PCDHGB3: variants seen among roughly 807,000 people sequenced by gnomAD.
PCDHGB3 encodes protocadherin gamma-B3.
A neutral mutation model predicts 59.2 loss-of-function variants in PCDHGB3; 40 were observed. That is an observed-to-expected ratio of 0.68 (90% CI 0.52 to 0.88). The LOEUF (loss-of-function observed/expected upper bound fraction) is 0.88, where lower values mean the gene tolerates loss of function less well. PCDHGB3 is among the 40% of genes least tolerant of loss of function. PCDHGB3 has a pLI of 0.00. For synonymous variants in PCDHGB3, 581 were observed against 503.6 expected (o/e 1.15, Z -2.06); for missense variants, 1,309 against 1,187.9 (o/e 1.10, Z -1.50).
chr5:141,439,470 T>C (rs1357441747), intron 1 of PCDHGB3, among the ~76,000 whole-genome samples: 1 of 152,220 alleles, frequency 6.6e-6, no homozygotes, highest in African/African-American at 2.4e-5. Flanking sequence ...CTGCTGCCTT[T>C]CAGCTTGCAA....
At chr5:141,443,759 A>G (rs1055796439) in intron 1 of PCDHGB3, among the ~76,000 whole-genome samples, 2 of 152,228 alleles carry the variant, frequency 1.3e-5, no homozygotes, top group African/African-American at 2.4e-5. Flanking sequence ...GAAGCTTACA[A>G]TATACAATAT....
chr5:141,472,856 C>T (rs1251907207), intron 1 of PCDHGB3, among the ~76,000 whole-genome samples: 5 of 150,296 alleles, frequency 3.3e-5, no homozygotes, highest in East Asian at 2.0e-4. Flanking sequence ...CATGGTGGCA[C>T]ATGCCTGTAT....
intron 1 of PCDHGB3, chr5:141,411,753 A>G (rs1006054735): frequency 6.5e-5 from 10 of 152,756 alleles, no homozygotes; most frequent in African/African-American, 2.4e-4. Context: ...GTGGTGGCAC[A>G]TGCCTGTGGT....
At chr5:141,498,826 A>G (rs1186868890) in intron 2 of PCDHGB3, among the ~76,000 whole-genome samples, 1 of 152,006 alleles carries the variant, frequency 6.6e-6, no homozygotes, top group African/African-American at 2.4e-5. Context: ...CCAGCTACTC[A>G]GGAGGCTGAG....
intron 1 of PCDHGB3, among the ~76,000 whole-genome samples, chr5:141,447,098 A>G (rs2098525979): frequency 6.6e-6 from 1 of 151,934 alleles, no homozygotes. Flanking sequence ...TTTCTTTCAC[A>G]TGATTATATG....
chr5:141,489,397 G>T lies in PCDHGB3; in HGVS notation c.2416-5410G>T. ...GGTGGGGAATGTTGCTCAGGATCTG[G>T]GCTTAAAGATGACAGATCTGTTGAG... On this transcript the variant is annotated intron_variant, in intron 1 of 3. Coordinates refer to ENST00000576222, the MANE Select transcript of PCDHGB3 (RefSeq NM_018924.5). The surrounding 1 kb of genome is among the most constrained non-coding windows in gnomAD (Gnocchi z 4.5). 2 of 1,614,176 alleles carry T rather than the reference G, an allele frequency of 1.2e-6. No individual in the cohort carries two copies. Among genetic ancestry groups the T allele is most frequent in the Non-Finnish European group, 1.7e-6 (2 of 1,180,038 alleles).
chr5:141,443,235 C>G (rs1182428300), intron 1 of PCDHGB3, among the ~76,000 whole-genome samples: 2 of 151,642 alleles, frequency 1.3e-5, no homozygotes, highest in East Asian at 1.9e-4. Flanking sequence ...AATCTTAGCA[C>G]TTTGGGGCGC....
Position 141,387,738 on chromosome 5 carries a change from A to G in PCDHGB3, c.2415+14929A>G, listed in dbSNP as rs972177545. On this transcript the variant is annotated intron_variant, in intron 1 of 3. Transcript: ENST00000576222. ...CAGACTCCCCAGCGCCAGCCTTTAC[A>G]CCGCTTCCTCCTCGGAAAAAGAAGA... 7 of 1,322,274 alleles carry G rather than the reference A, an allele frequency of 5.3e-6. No individual in the cohort carries two copies. The Admixed American group carries it at 1.1e-4, about 21-fold the overall frequency. 81.9% of individuals were successfully genotyped at this position (1,322,274 alleles called of 1,614,324 possible).
chr5:141,486,287 A>G lies in PCDHGB3; in HGVS notation c.2416-8520A>G, dbSNP rs1484787777. Reference sequence around the variant, plus strand: ...AGAACCTGGCACTGTGGTGGCACTTATCAGTGTGCAGGATCCAGACTCAGG... The same window carrying G: ...AGAACCTGGCACTGTGGTGGCACTTGTCAGTGTGCAGGATCCAGACTCAGG... On this transcript the variant is annotated intron_variant, in intron 1 of 3. Transcript: ENST00000576222. The surrounding 1 kb of genome is among the most constrained non-coding windows in gnomAD (Gnocchi z 5.0). 1 of 1,613,912 alleles carries G rather than the reference A, an allele frequency of 6.2e-7. No homozygotes were observed. The highest frequency in any genetic ancestry group is 8.5e-7 in the Non-Finnish European group (1 of 1,179,970).
At chr5:141,436,331 T>A (rs919524287) in intron 1 of PCDHGB3, among the ~76,000 whole-genome samples, 1 of 152,198 alleles carries the variant, frequency 6.6e-6, no homozygotes, top group Non-Finnish European at 1.5e-5. Flanking sequence ...TTAGACCATA[T>A]CTCAAATATC....
intron 1 of PCDHGB3, chr5:141,479,196 C>T (rs2099489838): frequency 2.0e-5 from 3 of 152,432 alleles, no homozygotes; most frequent in African/African-American, 7.2e-5. Context: ...TCAGAAAATA[C>T]AGAAAAGTAT....
intron 1 of PCDHGB3, chr5:141,396,003 T>G (rs749303972): frequency 2.0e-5 from 3 of 152,232 alleles, no homozygotes; most frequent in Admixed American, 6.5e-5. Flanking sequence ...TTTAAACTGT[T>G]GAAAGTGACT....
rs200964276 is a variant in PCDHGB3 at position 141,371,678 on chromosome 5, C to G, written c.1284C>G (p.Gly428=). The G allele has an allele frequency of 1.6e-3, 2,661 of 1,614,038 alleles. 3 individuals carry two copies. Among genetic ancestry groups the G allele is most frequent in the Non-Finnish European group, 2.1e-3 (2,441 of 1,179,894 alleles). The change falls in exon 1 of 4, where the codon GGC becomes GGG. Residue 428 remains glycine, a synonymous_variant. Coordinates refer to ENST00000576222, the MANE Select transcript of PCDHGB3 (RefSeq NM_018924.5). ...YNVTITATDK[G]NPPLSSSKTI... ...TGACGATCACAGCTACCGACAAAGG[C>G]AATCCACCGCTCTCCTCCAGCAAGA...
At chr5:141,385,263 T>C in intron 1 of PCDHGB3, 1 of 1,613,672 alleles carries the variant, frequency 6.2e-7, no homozygotes, top group Non-Finnish European at 8.5e-7. Flanking sequence ...GTGAGAAAAA[T>C]GATTCTTTGC....
chr5:141,429,528 A>T (rs1405050386), intron 1 of PCDHGB3, among the ~76,000 whole-genome samples: 1 of 152,166 alleles, frequency 6.6e-6, no homozygotes, highest in African/African-American at 2.4e-5. Context: ...AAAAAAGCTT[A>T]AAAAAATAAG....
rs759346998 is a variant in PCDHGB3 at position 141,410,849 on chromosome 5, CTTTTT to C, written c.2415+38058_2415+38062del. On this transcript the variant is annotated intron_variant, in intron 1 of 3. Transcript: ENST00000576222. ...CAGACTGAAGATATTTTGTCTTTGT[CTTTTT>C]TTTTTTTTTTTTTTTTTGAGATGGA... 1.3e-3 allele frequency: 178 copies of C among 137,948 alleles called. 1 individual carries two copies. Among genetic ancestry groups the C allele is most frequent in the East Asian group, 2.3e-3 (10 of 4,422 alleles). 8.5% of individuals were successfully genotyped at this position (137,948 alleles called of 1,614,324 possible). A position where few individuals can be genotyped will look rare whatever the true frequency, so the allele number is the denominator to read the frequency against.
At chr5:141,396,060 G>A (rs1309175410) in intron 1 of PCDHGB3, 1 of 152,318 alleles carries the variant, frequency 6.6e-6, no homozygotes, top group East Asian at 1.9e-4. Flanking sequence ...CCAATTAGCT[G>A]TTTCGGTTGT....
intron 1 of PCDHGB3, among the ~76,000 whole-genome samples, chr5:141,420,686 C>T (rs781004859): frequency 1.3e-4 from 20 of 152,258 alleles, no homozygotes; most frequent in Admixed American, 4.6e-4. Context: ...TTATCGGGAC[C>T]GTATTATTTC....
Position 141,489,331 on chromosome 5 carries a change from C to G in PCDHGB3, c.2416-5476C>G. ...CTGCTGGGGCTGGGTGTCTGGGCAG[C>G]TTCGTTACTCAGTGGTGGAGGAGTC... On this transcript the variant is annotated intron_variant, in intron 1 of 3. Coordinates refer to ENST00000576222, the MANE Select transcript of PCDHGB3 (RefSeq NM_018924.5). The surrounding 1 kb of genome is among the most constrained non-coding windows in gnomAD (Gnocchi z 4.5). 1 of 1,605,478 alleles carries G rather than the reference C, an allele frequency of 6.2e-7. No homozygotes were observed. Among genetic ancestry groups the G allele is most frequent in the Non-Finnish European group, 8.5e-7 (1 of 1,174,878 alleles).
Sources: gnomAD v4.1 joint callset for allele counts (sites outside exome capture counted in the v4.1 genomes callset) on GRCh38, gnomAD v4.1.1 for gene constraint, Gnocchi (gnomAD v3.1) non-coding constraint, MANE v1.5 for transcripts, NCBI Gene and HGNC (gene_info 2026-07-23, HGNC 2026-07-21) for gene names.